Variants in SNAP25 observed in about 807,000 individuals in gnomAD.
The protein encoded by SNAP25 is synaptosomal-associated protein 25.
SNAP25 carries 3 observed loss-of-function variants against 28.7 expected under a neutral mutation model. That is an observed-to-expected ratio of 0.10 (90% CI 0.05 to 0.27). The LOEUF is 0.27. Among genes scored for constraint, SNAP25 ranks in the 10% least tolerant of loss-of-function variants. The pLI, the probability that SNAP25 is intolerant of heterozygous loss-of-function variation, is 1.00. For synonymous variants in SNAP25, 61 were observed against 88.1 expected (o/e 0.69, Z 1.72); for missense variants, 117 against 278.7 (o/e 0.42, Z 4.13).
At chr20:10,287,501 A>G (rs1343775770) in intron 4 of SNAP25, among the ~76,000 whole-genome samples, 1 of 146,722 alleles carries the variant, frequency 6.8e-6, no homozygotes, top group Non-Finnish European at 1.5e-5. Context: ...TTAAAAAGTC[A>G]GGAAACAACA....
chr20:10,299,208 C>A, intron 6 of SNAP25, 60 bp from the exon 7 acceptor site: 2 of 1,578,408 alleles, frequency 1.3e-6, no homozygotes, highest in South Asian at 1.2e-5. Flanking sequence ...TGCTTTGGGT[C>A]CTTGGTATTC....
At chr20:10,300,503 T>C (rs2123167349) in intron 7 of SNAP25, among the ~76,000 whole-genome samples, 1 of 152,358 alleles carries the variant, frequency 6.6e-6, no homozygotes, top group East Asian at 1.9e-4. Flanking sequence ...CTTTGTCTGA[T>C]ATCCTAAATT....
At chr20:10,250,421 T>C (rs1029102797) in intron 1 of SNAP25, among the ~76,000 whole-genome samples, 8 of 152,238 alleles carry the variant, frequency 5.3e-5, no homozygotes, top group Admixed American at 3.9e-4. Context: ...GGGGACTAAA[T>C]TTTCTGAGCA....
At chr20:10,272,012 G>A (rs2063603582) in intron 1 of SNAP25, among the ~76,000 whole-genome samples, 1 of 152,162 alleles carries the variant, frequency 6.6e-6, no homozygotes, top group Non-Finnish European at 1.5e-5. Context: ...GGTGCTGCTT[G>A]GAGACTGGAG....
chr20:10,280,555 A>C (rs1009056141), intron 3 of SNAP25, among the ~76,000 whole-genome samples: 1 of 152,200 alleles, frequency 6.6e-6, no homozygotes, highest in Non-Finnish European at 1.5e-5. Flanking sequence ...GGAGGGAACA[A>C]CTGATTCTGG....
At chr20:10,270,478 C>G (rs1165432045) in intron 1 of SNAP25, among the ~76,000 whole-genome samples, 3 of 152,124 alleles carry the variant, frequency 2.0e-5, no homozygotes, top group Non-Finnish European at 4.4e-5. Flanking sequence ...GCAGGTGGAT[C>G]TCTTGAGGTG....
chr20:10,232,594 C>T (rs2062846639), intron 1 of SNAP25, among the ~76,000 whole-genome samples: 1 of 152,204 alleles, frequency 6.6e-6, no homozygotes. Context: ...GCAGGATATT[C>T]CCTCCACGTT....
intron 1 of SNAP25, among the ~76,000 whole-genome samples, chr20:10,226,247 C>T (rs1245645515): frequency 6.6e-6 from 1 of 152,130 alleles, no homozygotes; most frequent in Non-Finnish European, 1.5e-5. Flanking sequence ...CTAGGAAGAA[C>T]ACTGGCAAAC....
chr20:10,294,626 C>T (rs933002072), intron 5 of SNAP25, among the ~76,000 whole-genome samples: 4 of 152,098 alleles, frequency 2.6e-5, no homozygotes, highest in Non-Finnish European at 5.9e-5. Context: ...ATCAAGCAAT[C>T]AGTATAAATG....
chr20:10,223,489 A>G (rs1225378160), intron 1 of SNAP25, among the ~76,000 whole-genome samples: 2 of 152,152 alleles, frequency 1.3e-5, no homozygotes, highest in East Asian at 1.9e-4. Context: ...ACAGGATAAC[A>G]TTTTTATATC....
At chr20:10,295,329 A>C (rs2064085983) in intron 5 of SNAP25, among the ~76,000 whole-genome samples, 1 of 152,238 alleles carries the variant, frequency 6.6e-6, no homozygotes, top group South Asian at 2.1e-4. Context: ...CAGACATTTG[A>C]CATAGCAGAA....
chr20:10,231,242 A>T (rs2062823815), intron 1 of SNAP25, among the ~76,000 whole-genome samples: 1 of 152,010 alleles, frequency 6.6e-6, no homozygotes, highest in Non-Finnish European at 1.5e-5. Context: ...CCTGGATTAA[A>T]ATACCAATTG....
At chr20:10,260,596 C>A (rs1391960424) in intron 1 of SNAP25, among the ~76,000 whole-genome samples, 1 of 152,018 alleles carries the variant, frequency 6.6e-6, no homozygotes, top group Non-Finnish European at 1.5e-5. Context: ...TTAACAAGTG[C>A]TACCCATGAG....
chr20:10,260,050 T>A (rs1264829019), intron 1 of SNAP25, among the ~76,000 whole-genome samples: 1 of 152,200 alleles, frequency 6.6e-6, no homozygotes, highest in Non-Finnish European at 1.5e-5. Context: ...TTCTGAGTCC[T>A]CTAACCCAGA....
chr20:10,302,052 C>T (rs181460609), intron 7 of SNAP25, among the ~76,000 whole-genome samples: 1 of 151,700 alleles, frequency 6.6e-6, no homozygotes, highest in Non-Finnish European at 1.5e-5. Flanking sequence ...AAGGAAATAC[C>T]TTAGCAATGT....
intron 1 of SNAP25, among the ~76,000 whole-genome samples, chr20:10,264,917 G>GTTTTTTTTT (rs1568600552): frequency 1.0e-4 from 14 of 136,062 alleles, no homozygotes; most frequent in African/African-American, 4.4e-4. Context: ...CTCAGACCAT[G>GTTTTTTTTT]CTTTTTTTTT....
At chr20:10,229,643 T>C (rs1029995148) in intron 1 of SNAP25, among the ~76,000 whole-genome samples, 8 of 152,156 alleles carry the variant, frequency 5.3e-5, no homozygotes, top group African/African-American at 1.9e-4. Flanking sequence ...AGTCACACTA[T>C]TTTTTGAGCA....
chr20:10,292,821 A>C, intron 4 of SNAP25: 1 of 983,870 alleles, frequency 1.0e-6, no homozygotes, highest in Non-Finnish European at 1.6e-6. Flanking sequence ...GTCATTTCTC[A>C]TGTTCTGTTG....
chr20:10,260,715 ACACACACAAACAC>A (rs1568597240), intron 1 of SNAP25, among the ~76,000 whole-genome samples: 1 of 148,990 alleles, frequency 6.7e-6, no homozygotes, highest in East Asian at 2.0e-4. Context: ...ACACACACAC[ACACACACAAACAC>A]ACACACACAC....
Sources: allele counts gnomAD v4.1 joint callset (sites outside exome capture counted in the v4.1 genomes callset), GRCh38; gene constraint gnomAD v4.1.1; transcripts MANE v1.5; gene names NCBI Gene and HGNC (gene_info 2026-07-23, HGNC 2026-07-21).